The following MOB3B variants were observed in gnomAD, a reference collection of about 807,000 sequenced individuals.
The protein encoded by MOB3B is MOB kinase activator-like 2B.
A neutral mutation model predicts 18.7 loss-of-function variants in MOB3B; 7 were observed. The ratio of observed to expected loss-of-function variants is 0.37; its 90% CI spans 0.21 to 0.70. The LOEUF is 0.70. Among genes scored for constraint, MOB3B ranks in the 30% least tolerant of loss-of-function variants. The pLI is 0.52. For missense variants in MOB3B, 253 were observed against 281.3 expected (o/e 0.90, Z 0.72); for synonymous variants, 111 against 99.9 (o/e 1.11, Z -0.66).
At chr9:27,342,492 C>T (rs1005920287) in intron 3 of MOB3B, among the ~76,000 whole-genome samples, 1 of 151,788 alleles carries the variant, frequency 6.6e-6, no homozygotes, top group Non-Finnish European at 1.5e-5. Context: ...CCCGGTCTCC[C>T]TCTGATGCCA....
chr9:27,383,786 C>T (rs984416419), intron 2 of MOB3B, among the ~76,000 whole-genome samples: 13 of 152,180 alleles, frequency 8.5e-5, no homozygotes, highest in Non-Finnish European at 1.8e-4. Flanking sequence ...TTATACTGCG[C>T]TCTACCCAAA....
At chr9:27,382,956 C>T (rs183303848) in intron 2 of MOB3B, among the ~76,000 whole-genome samples, 1 of 152,062 alleles carries the variant, frequency 6.6e-6, no homozygotes, top group East Asian at 1.9e-4. Flanking sequence ...AACTAACAAG[C>T]AAGAAGGTAT....
At position 27,461,745 on chromosome 9, in the gene MOB3B, G is replaced by T. The variant is rs535168492; in HGVS notation, c.-198-5997C>A. Among the ~76,000 whole-genome samples the T allele has an allele frequency of 2.0e-5, 3 of 152,286 alleles. No homozygotes were observed. The East Asian group carries it at 5.8e-4, about 29-fold the overall frequency. On this transcript the variant is annotated intron_variant, in intron 1 of 3. Transcript: ENST00000262244. ...AGCATCAAATGTGTAAGTAAATAGT[G>T]CCAAAATGAAAGCATTACCTGTAAC...
intron 3 of MOB3B, among the ~76,000 whole-genome samples, chr9:27,354,860 C>A (rs1821163489): frequency 6.6e-6 from 1 of 152,138 alleles, no homozygotes; most frequent in East Asian, 1.9e-4. Flanking sequence ...GTCATGGGAG[C>A]TAGGGAAGAC....
At chr9:27,525,202 C>T (rs1563890834) in intron 1 of MOB3B, among the ~76,000 whole-genome samples, 1 of 152,208 alleles carries the variant, frequency 6.6e-6, no homozygotes, top group East Asian at 1.9e-4. Flanking sequence ...ATTCCCTCTC[C>T]GTCTTCTTCT....
intron 2 of MOB3B, among the ~76,000 whole-genome samples, chr9:27,368,029 A>G (rs1821362919): frequency 1.3e-5 from 2 of 152,172 alleles, no homozygotes; most frequent in Middle Eastern, 3.2e-3. Context: ...AAATCCCTCT[A>G]CAAGTCATAA....
intron 2 of MOB3B, among the ~76,000 whole-genome samples, chr9:27,402,831 A>C (rs1240095520): frequency 6.6e-6 from 1 of 152,224 alleles, no homozygotes; most frequent in African/African-American, 2.4e-5. Flanking sequence ...TTAGGGTTGT[A>C]ATGTGTAGCT....
At chr9:27,354,630 C>T (rs1011167349) in intron 3 of MOB3B, among the ~76,000 whole-genome samples, 2 of 152,126 alleles carry the variant, frequency 1.3e-5, no homozygotes, top group African/African-American at 4.8e-5. Context: ...GTGTGTAATC[C>T]CTTTGAATGG....
chr9:27,403,757 G>GA (rs1319065695), intron 2 of MOB3B, among the ~76,000 whole-genome samples: 59 of 152,044 alleles, frequency 3.9e-4, no homozygotes, highest in African/African-American at 1.4e-3. Flanking sequence ...GGGATTACAG[G>GA]TGTGAGCCAT....
At chr9:27,335,338 G>A (rs1306753290) in intron 3 of MOB3B, among the ~76,000 whole-genome samples, 2 of 152,158 alleles carry the variant, frequency 1.3e-5, no homozygotes, top group Non-Finnish European at 2.9e-5. Flanking sequence ...TCAGACCATC[G>A]GAAAGTAAGT....
chr9:27,330,436 T>G lies in MOB3B; in HGVS notation c.*151A>C. The G allele has an allele frequency of 1.1e-6, 1 of 938,960 alleles. No individual in the cohort carries two copies. Among genetic ancestry groups the G allele is most frequent in the Non-Finnish European group, 1.6e-6 (1 of 629,902 alleles). 58.2% of individuals were successfully genotyped at this position (938,960 alleles called of 1,614,324 possible). A position where few individuals can be genotyped will look rare whatever the true frequency, so the allele number is the denominator to read the frequency against. On this transcript the variant is annotated 3_prime_UTR_variant, in exon 4 of 4. Transcript: ENST00000262244. ...GAAGGTTAAGAGCACACAAAGTGAG[T>G]GGGGAATGTCTCTCAGGAGTCACTG...
At chr9:27,514,603 T>C (rs1820202289) in intron 1 of MOB3B, among the ~76,000 whole-genome samples, 1 of 152,232 alleles carries the variant, frequency 6.6e-6, no homozygotes, top group African/African-American at 2.4e-5. Context: ...AAATGCAGGA[T>C]CAGATCTAGG....
intron 1 of MOB3B, among the ~76,000 whole-genome samples, chr9:27,528,545 C>T (rs1007339635): frequency 2.6e-5 from 4 of 152,234 alleles, no homozygotes; most frequent in African/African-American, 9.6e-5. Flanking sequence ...GGGGCGGCCT[C>T]GCTGGGGTCG....
At chr9:27,420,538 C>T (rs1273614718) in intron 2 of MOB3B, among the ~76,000 whole-genome samples, 57 of 107,220 alleles carry the variant, frequency 5.3e-4, no homozygotes, top group African/African-American at 2.1e-3. Flanking sequence ...TATATTCCAT[C>T]TGTATATTCC....
chr9:27,492,483 TGCTGCCCAAGTGACTC>T (rs1563882132), intron 1 of MOB3B, among the ~76,000 whole-genome samples: 1 of 152,198 alleles, frequency 6.6e-6, no homozygotes, highest in Non-Finnish European at 1.5e-5. Flanking sequence ...GCCAGCGAAA[TGCTGCCCAAGTGACTC>T]TCAAGATGAG....
At chr9:27,408,874 C>T (rs867534125) in intron 2 of MOB3B, among the ~76,000 whole-genome samples, 1 of 152,210 alleles carries the variant, frequency 6.6e-6, no homozygotes, top group East Asian at 1.9e-4. Context: ...ACCCATGGCA[C>T]CCTTCCTGCC....
chr9:27,469,906 C>T (rs1819444538), intron 1 of MOB3B, among the ~76,000 whole-genome samples: 1 of 151,908 alleles, frequency 6.6e-6, no homozygotes, highest in Non-Finnish European at 1.5e-5. Flanking sequence ...GGCAACAAAG[C>T]AACACCTTCC....
At chr9:27,471,272 G>A (rs1231164858) in intron 1 of MOB3B, among the ~76,000 whole-genome samples, 2 of 152,196 alleles carry the variant, frequency 1.3e-5, no homozygotes, top group Non-Finnish European at 2.9e-5. Context: ...CGAATAGGCA[G>A]GAGACAAAAG....
At chr9:27,498,243 G>A (rs1403815518) in intron 1 of MOB3B, among the ~76,000 whole-genome samples, 1 of 152,150 alleles carries the variant, frequency 6.6e-6, no homozygotes, top group Non-Finnish European at 1.5e-5. Flanking sequence ...TAACAACAGT[G>A]CTAAAAGTGC....
Sources: gnomAD v4.1 joint callset for allele counts (sites outside exome capture counted in the v4.1 genomes callset) on GRCh38, gnomAD v4.1.1 for gene constraint, MANE v1.5 for transcripts, NCBI Gene and HGNC (gene_info 2026-07-23, HGNC 2026-07-21) for gene names.